Variants in PLEKHO2 observed in about 807,000 individuals in gnomAD.
PLEKHO2 encodes the protein pleckstrin homology domain containing O2.
A neutral mutation model predicts 32.7 loss-of-function variants in PLEKHO2; 20 were observed. That is an observed-to-expected ratio of 0.61 (90% confidence interval 0.43 to 0.89). The LOEUF (loss-of-function observed/expected upper bound fraction) is 0.89. Among genes scored for constraint, PLEKHO2 ranks in the 40% least tolerant of loss-of-function variants. The pLI is 0.00. For missense variants in PLEKHO2, 568 were observed against 621.2 expected (o/e 0.91, Z 0.91); for synonymous variants, 247 against 246.3 (o/e 1.00, Z -0.03).
intron 1 of PLEKHO2, among the ~76,000 whole-genome samples, chr15:64,844,746 GTC>G (rs2084509970): frequency 6.6e-6 from 1 of 152,186 alleles, no homozygotes; most frequent in Non-Finnish European, 1.5e-5. Context: ...CAAGGCGTGT[GTC>G]TCTTCCCCTG....
At chr15:64,844,728 C>G (rs1044194890) in intron 1 of PLEKHO2, among the ~76,000 whole-genome samples, 2 of 152,186 alleles carry the variant, frequency 1.3e-5, no homozygotes, top group African/African-American at 4.8e-5. Flanking sequence ...GCCTTGCCTT[C>G]TCTGGACCAA....
intron 1 of PLEKHO2, among the ~76,000 whole-genome samples, chr15:64,842,384 C>G (rs879689077): frequency 0.36 from 20,090 of 56,042 alleles, 3,071 homozygotes; most frequent in African/African-American, 0.57. Flanking sequence ...GACTCTCTCT[C>G]TCTCTCTGTG....
At chr15:64,856,581 G>A (rs2140342611) in intron 3 of PLEKHO2, among the ~76,000 whole-genome samples, 1 of 152,302 alleles carries the variant, frequency 6.6e-6, no homozygotes, top group East Asian at 1.9e-4. Context: ...GTTCTCAGCT[G>A]CTTCAGCCAA....
At chr15:64,864,788 T>G in intron 5 of PLEKHO2, 111 bp from the exon 6 acceptor site, 1 of 1,197,102 alleles carries the variant, frequency 8.4e-7, no homozygotes, top group Non-Finnish European at 1.2e-6. Context: ...GCTGGGGAGC[T>G]GGGGGCCTGG....
chr15:64,861,861 T>A (rs1372111525), intron 5 of PLEKHO2, among the ~76,000 whole-genome samples: 2 of 152,220 alleles, frequency 1.3e-5, no homozygotes, highest in African/African-American at 4.8e-5. Flanking sequence ...GGCCAGTCCC[T>A]GCCCCTCAGA....
chr15:64,861,535 G>C lies in PLEKHO2; in HGVS notation c.443G>C (p.Gly148Ala). The change falls in exon 5 of 6, where the codon GGC (glycine) becomes GCC (alanine). Residue 148 changes from glycine (G) to alanine (A), a missense_variant. Transcript: ENST00000323544. ...GTGACACGGGACCGGGTGCGAGGGG[G>C]CCAGCGACGCCGGCCACCAACGAGA... ...EHVTRDRVRG[G>A]QRRRPPTRVH... 1 of 1,607,924 alleles carries C rather than the reference G, an allele frequency of 6.2e-7. No homozygotes were observed. The highest frequency in any genetic ancestry group is 8.5e-7 in the Non-Finnish European group (1 of 1,177,910).
rs2084672306 is a variant in PLEKHO2, at chr15:64,865,137, C to G, written c.722C>G (p.Ser241Cys). ...CCTGTCTCAGCAAGCTCTGAGGTCT[C>G]CCCTGAGAGCCAAGAGGACTCAGAG... ...PTPVSASSEVSPESQEDSETP... is the reference protein window; with the variant it reads ...PTPVSASSEVCPESQEDSETP... The change falls in exon 6 of 6, where the codon TCC (serine) becomes TGC (cysteine). Residue 241 changes from serine to cysteine, a missense_variant. By Grantham distance (112) the Ser-to-Cys change is moderately radical (BLOSUM62 -1). Transcript: ENST00000323544. 2 of 1,613,982 alleles carry G rather than the reference C, an allele frequency of 1.2e-6. No individual in the cohort carries two copies. Among genetic ancestry groups the G allele is most frequent in the Non-Finnish European group, 1.7e-6 (2 of 1,180,010 alleles).
intron 3 of PLEKHO2, among the ~76,000 whole-genome samples, chr15:64,856,168 AAG>A (rs1229901322): frequency 2.6e-5 from 4 of 152,102 alleles, no homozygotes; most frequent in Non-Finnish European, 5.9e-5. Context: ...TGAGGACAAA[AAG>A]AGTCACATTT....
At chr15:64,848,947 G>A (rs2084544491) in intron 2 of PLEKHO2, among the ~76,000 whole-genome samples, 1 of 152,246 alleles carries the variant, frequency 6.6e-6, no homozygotes, top group East Asian at 1.9e-4. Context: ...AGGGTTTCTA[G>A]ATGAGAGTTC....
chr15:64,861,004 C>A (rs751292802), intron 4 of PLEKHO2, among the ~76,000 whole-genome samples: 2 of 152,244 alleles, frequency 1.3e-5, no homozygotes, highest in African/African-American at 4.8e-5. Context: ...CCTTCTGTTA[C>A]CCTCAGAGAG....
chr15:64,845,046 A>T (rs2084512852), intron 1 of PLEKHO2, among the ~76,000 whole-genome samples: 1 of 152,240 alleles, frequency 6.6e-6, no homozygotes, highest in Middle Eastern at 3.4e-3. Context: ...GTGGATTCTT[A>T]GTAGAGTTGG....
At chr15:64,858,649 CTG>C (rs1309053552) in intron 3 of PLEKHO2, among the ~76,000 whole-genome samples, 1 of 152,162 alleles carries the variant, frequency 6.6e-6, no homozygotes, top group Non-Finnish European at 1.5e-5. Flanking sequence ...AGGAAACAAA[CTG>C]TTTTGTCCAG....
chr15:64,850,125 A>T (rs1309630750), intron 2 of PLEKHO2, among the ~76,000 whole-genome samples: 2 of 151,892 alleles, frequency 1.3e-5, no homozygotes, highest in Non-Finnish European at 2.9e-5. Context: ...ATGCCATTGC[A>T]CTCCAGCCTG....
chr15:64,864,506 C>T (rs942147877), intron 5 of PLEKHO2, among the ~76,000 whole-genome samples: 1 of 152,052 alleles, frequency 6.6e-6, no homozygotes, highest in East Asian at 1.9e-4. Context: ...AGGTGGGTTG[C>T]AGAGAAGGGA....
chr15:64,860,512 C>G (rs2084634137), intron 4 of PLEKHO2, among the ~76,000 whole-genome samples: 1 of 152,218 alleles, frequency 6.6e-6, no homozygotes. Flanking sequence ...TTGGGGCAGG[C>G]AGAGCATCCC....
Position 64,866,561 on chromosome 15 carries a change from G to T in PLEKHO2, c.*673G>T. On this transcript the variant is annotated 3_prime_UTR_variant, in exon 6 of 6. Coordinates refer to ENST00000323544, the MANE Select transcript of PLEKHO2 (RefSeq NM_025201.5). ...TTTTTGCAAAACAAGGACATTTTCT[G>T]CAGCCCCTTCCTCTCAGTGAGCTAT... The T allele has an allele frequency of 2.8e-6, 1 of 360,072 alleles. No individual in the cohort carries two copies. The highest frequency in any genetic ancestry group is 2.1e-5 in the South Asian group (1 of 48,252). The allele number at this position is 360,072 out of a possible 1,614,324, so 22.3% of individuals were successfully genotyped here. A position where few individuals can be genotyped will look rare whatever the true frequency, so the allele number is the denominator to read the frequency against.
In PLEKHO2 at chr15:64,865,001, C is replaced by T; in HGVS notation, c.586C>T (p.Pro196Ser). ...APSNHVSEAQ[P>S]RETPRPLMPP... The stretch of plus-strand genomic sequence containing the variant: ...CAGCAATCATGTCAGTGAAGCCCAA[C>T]CTCGGGAGACACCCCGGCCCCTCAT... Residue 196 changes from proline to serine, a missense_variant, in exon 6 of 6, where the codon CCT becomes TCT. Pro to Ser is a moderately conservative substitution (Grantham distance 74, BLOSUM62 -1). Coordinates refer to ENST00000323544, the MANE Select transcript of PLEKHO2 (RefSeq NM_025201.5). The T allele has an allele frequency of 1.2e-6, 2 of 1,614,166 alleles. No homozygotes were observed. The highest frequency in any genetic ancestry group is 1.7e-6 in the Non-Finnish European group (2 of 1,180,024).
At chr15:64,860,028 T>A in intron 4 of PLEKHO2, 30 bp downstream of exon 4, 1 of 1,581,774 alleles carries the variant, frequency 6.3e-7, no homozygotes, top group Non-Finnish European at 8.7e-7. Context: ...CATGGACAGC[T>A]CTGTGTCTCC....
intron 5 of PLEKHO2, among the ~76,000 whole-genome samples, chr15:64,862,217 C>T (rs528437600): frequency 7.3e-5 from 11 of 151,652 alleles, no homozygotes; most frequent in Non-Finnish European, 1.5e-4. Flanking sequence ...AGGGAGAGTG[C>T]GTTTCAGAGG....
Sources: allele counts gnomAD v4.1 joint callset (sites outside exome capture counted in the v4.1 genomes callset), GRCh38; gene constraint gnomAD v4.1.1; transcripts MANE v1.5; gene names NCBI Gene and HGNC (gene_info 2026-07-23, HGNC 2026-07-21).